USP26: variants seen among roughly 807,000 people sequenced by gnomAD.
The protein encoded by USP26 is ubiquitin specific peptidase 26.
For synonymous variants in USP26, 236 were observed against 240.6 expected (o/e 0.98, Z 0.18); for missense variants, 649 against 642.3 (o/e 1.01, Z -0.11).
rs760437083 is a variant in USP26, at chrX:133,027,228, AC to A, written c.992del (p.Gly331ValfsTer24). ...TGGTAAGAGCATTAAGGGGAATTTT[AC>A]CCCATGGGAAACTCTGATTAAGTAA... Reference protein sequence around the residue: ...DDLLNQSFPWGKIPLNALTMC... With the variant: ...DDLLNQSFPWXKIPLNALTMC... On this transcript the variant is annotated frameshift_variant, in exon 6 of 6. Transcript: ENST00000511190. LOFTEE classifies it low-confidence loss of function (END_TRUNC). 1 of 1,210,406 alleles carries A rather than the reference AC, an allele frequency of 8.3e-7. No homozygotes were observed. The highest frequency in any genetic ancestry group is 1.1e-6 in the Non-Finnish European group (1 of 894,439).
chrX:133,061,084 G>A (rs913848417), intron 5 of USP26, among the ~76,000 whole-genome samples: 2 of 111,518 alleles, frequency 1.8e-5, no homozygotes, highest in African/African-American at 6.5e-5. Flanking sequence ...ATCCCCCAGA[G>A]ATACCAAAGA....
intron 5 of USP26, among the ~76,000 whole-genome samples, chrX:133,066,710 G>T (rs1274360995): frequency 9.0e-6 from 1 of 111,508 alleles, no homozygotes; most frequent in East Asian, 2.8e-4. Context: ...TCCACCTTAT[G>T]CAAAAATTAA....
rs1301259871 is a variant in USP26, at chrX:133,061,569, C to A, written c.-77+22138G>T. ...CTCCCAGCAAGACCAACGCAGAAGG[C>A]GGGTGATTTCTGCATTTCCAACTGA... On this transcript the variant is annotated intron_variant, in intron 5 of 5. Coordinates refer to ENST00000511190, the MANE Select transcript of USP26 (RefSeq NM_031907.3). Among the ~76,000 whole-genome samples, 5 of 112,276 alleles carry A rather than the reference C, an allele frequency of 4.5e-5. No homozygotes were observed. The South Asian group carries it at 1.9e-3, about 42-fold the overall frequency.
rs2148524933 is a variant in USP26, at chrX:133,026,744, C to T, written c.1477G>A (p.Glu493Lys). ...FDLFFGAEEL[E>K]YKCAKCEHKT... ...TGCTCACATTTTGCACATTTATACT[C>T]AAGCTCTTCTGCTCCAAAAAAAAGA... The change falls in exon 6 of 6, where the codon GAG becomes AAG. Residue 493 changes from glutamate (E) to lysine (K), a missense_variant. By Grantham distance (56) the Glu-to-Lys change is moderately conservative. Transcript: ENST00000511190. 1 of 1,210,648 alleles carries T rather than the reference C, an allele frequency of 8.3e-7. No homozygotes were observed. Among genetic ancestry groups the T allele is most frequent in the African/African-American group, 1.7e-5 (1 of 57,631 alleles).
intron 5 of USP26, among the ~76,000 whole-genome samples, chrX:133,052,629 G>A (rs1569510268): frequency 8.9e-6 from 1 of 112,128 alleles, no homozygotes; most frequent in Non-Finnish European, 1.9e-5. Flanking sequence ...TTCCAGCCAG[G>A]AAGTTGTTTA....
In USP26 at chrX:133,078,549, T is replaced by C. The variant is rs1349971674; in HGVS notation, c.-77+5158A>G. ...GTTAAATGACATTTCAGAAGCTTAG[T>C]CATCCTGAATAAATATTTTCTTTTC... On this transcript the variant is annotated intron_variant, in intron 5 of 5. Coordinates refer to ENST00000511190, the MANE Select transcript of USP26 (RefSeq NM_031907.3). 4.5e-5 allele frequency among the ~76,000 whole-genome samples: 5 copies of C among 112,169 alleles called. No homozygotes were observed. In the East Asian group the frequency reaches 1.4e-3, roughly 31 times the overall value.
chrX:133,055,676 CG>C (rs2067472657), intron 5 of USP26, among the ~76,000 whole-genome samples: 2 of 111,922 alleles, frequency 1.8e-5, no homozygotes, highest in African/African-American at 6.5e-5. Flanking sequence ...ACAACAGAAA[CG>C]TATGTTCACA....
chrX:133,062,978 C>T (rs1297100472), intron 5 of USP26, among the ~76,000 whole-genome samples: 1 of 110,775 alleles, frequency 9.0e-6, no homozygotes, highest in Non-Finnish European at 1.9e-5. Context: ...GCAAAGAACA[C>T]TGAAAAAAGT....
Position 133,027,428 on chromosome X carries a change from C to T in USP26, c.793G>A (p.Val265Ile). ...LQALTEKMVLVFLLQQGYSDG... is the reference protein window; with the variant it reads ...LQALTEKMVLIFLLQQGYSDG... ...CTATACCCTTGTTGTAACAGAAATA[C>T]CAAAACCATTTTCTCAGTGAGAGCT... Residue 265 changes from valine to isoleucine, a missense_variant, in exon 6 of 6, where the codon GTA becomes ATA. Transcript: ENST00000511190. 1.7e-6 allele frequency: 2 copies of T among 1,211,262 alleles called. No homozygotes were observed. The highest frequency in any genetic ancestry group is 1.1e-6 in the Non-Finnish European group (1 of 895,091).
intron 5 of USP26, among the ~76,000 whole-genome samples, chrX:133,050,188 C>A (rs772030018): frequency 8.9e-6 from 1 of 111,765 alleles, no homozygotes; most frequent in African/African-American, 3.3e-5. Context: ...TAGGTGATAA[C>A]GGCCTTTCTG....
chrX:133,027,569 G>C lies in USP26; in HGVS notation c.652C>G (p.Arg218Gly), dbSNP rs753463145. Reference protein sequence around the residue: ...ADCSRCVSYNREKQLKLKELE... With the variant: ...ADCSRCVSYNGEKQLKLKELE... Reference sequence around the variant, plus strand: ...TCTTTTAACTTCAATTGTTTCTCTCGATTATAGCTTACACACCTCGAACAA... The same window carrying C: ...TCTTTTAACTTCAATTGTTTCTCTCCATTATAGCTTACACACCTCGAACAA... The change falls in exon 6 of 6, where the codon CGA becomes GGA. Residue 218 changes from arginine to glycine, a missense_variant. Coordinates refer to ENST00000511190, the MANE Select transcript of USP26 (RefSeq NM_031907.3). 4 of 1,208,117 alleles carry C rather than the reference G, an allele frequency of 3.3e-6. No individual in the cohort carries two copies. The South Asian group carries it at 7.0e-5, about 21-fold the overall frequency.
chrX:133,091,020 C>G (rs1158438159), intron 2 of USP26, among the ~76,000 whole-genome samples: 1 of 111,985 alleles, frequency 8.9e-6, no homozygotes, highest in East Asian at 2.8e-4. Context: ...ATGTTAGAAA[C>G]CAGCTGAGCT....
rs1769708944 is a variant in USP26 at position 133,025,303 on chromosome X, G to A, written c.*176C>T. The stretch of plus-strand genomic sequence containing the variant: ...TCATCAGCCAGAGCTATGGGATTGA[G>A]GTGTCTGTGTCAGGATTAGAATGCA... On this transcript the variant is annotated 3_prime_UTR_variant, in exon 6 of 6. Coordinates refer to ENST00000511190, the MANE Select transcript of USP26 (RefSeq NM_031907.3). The A allele has an allele frequency of 3.0e-6, 2 of 660,647 alleles. No individual in the cohort carries two copies. Among genetic ancestry groups the A allele is most frequent in the South Asian group, 5.9e-5 (2 of 34,092 alleles). 54.4% of individuals were successfully genotyped at this position (660,647 alleles called of 1,213,427 possible).
chrX:133,025,441 C>T lies in USP26; in HGVS notation c.*38G>A. The T allele has an allele frequency of 2.5e-6, 3 of 1,209,268 alleles. No homozygotes were observed. The highest frequency in any genetic ancestry group is 3.4e-6 in the Non-Finnish European group (3 of 894,857). ...ATGGAGGAAGTGGTATCGAGTGAGA[C>T]AGTCAGGCAGATCTGTACAAGGAGG... On this transcript the variant is annotated 3_prime_UTR_variant, in exon 6 of 6. Coordinates refer to ENST00000511190, the MANE Select transcript of USP26 (RefSeq NM_031907.3).
intron 5 of USP26, among the ~76,000 whole-genome samples, chrX:133,043,044 T>C (rs994533886): frequency 4.5e-5 from 5 of 111,711 alleles, no homozygotes; most frequent in African/African-American, 1.6e-4. Flanking sequence ...TTGGTGTCAA[T>C]AAACTGATTC....
At chrX:133,057,012 A>G (rs1602979606) in intron 5 of USP26, among the ~76,000 whole-genome samples, 1 of 111,663 alleles carries the variant, frequency 9.0e-6, no homozygotes, top group African/African-American at 3.3e-5. Flanking sequence ...CATGCACTCT[A>G]TCATCTACAT....
chrX:133,039,358 A>G (rs1283140829), intron 5 of USP26, among the ~76,000 whole-genome samples: 3 of 111,442 alleles, frequency 2.7e-5, no homozygotes, highest in Non-Finnish European at 5.7e-5. Flanking sequence ...ATTCTGTTAC[A>G]TTGTCTCTTT....
intron 5 of USP26, among the ~76,000 whole-genome samples, chrX:133,074,347 G>A (rs1488216313): frequency 4.5e-5 from 5 of 112,158 alleles, no homozygotes; most frequent in Admixed American, 3.8e-4. Context: ...TTACATGTAT[G>A]TAACTTCTTA....
At chrX:133,036,069 A>T (rs895333397) in intron 5 of USP26, among the ~76,000 whole-genome samples, 8 of 110,717 alleles carry the variant, frequency 7.2e-5, no homozygotes, top group African/African-American at 2.6e-4. Flanking sequence ...GTGAGCTGTG[A>T]TCATGCCATT....
Sources: gnomAD v4.1 joint callset for allele counts (sites outside exome capture counted in the v4.1 genomes callset) on GRCh38, gnomAD v4.1.1 for gene constraint, MANE v1.5 for transcripts, NCBI Gene and HGNC (gene_info 2026-07-23, HGNC 2026-07-21) for gene names.